Variants in RBFOX3 observed in about 807,000 individuals in gnomAD.
RBFOX3 encodes the protein RNA binding protein fox-1 homolog 3.
A neutral mutation model predicts 48.7 loss-of-function variants in RBFOX3; 17 were observed. The ratio of observed to expected loss-of-function variants is 0.35; its 90% CI spans 0.24 to 0.52. The LOEUF (loss-of-function observed/expected upper bound fraction) is 0.52, where lower values mean the gene tolerates loss of function less well. RBFOX3 is among the 20% of genes least tolerant of loss of function. RBFOX3 has a pLI of 0.94. For synonymous variants in RBFOX3, 212 were observed against 209.5 expected, an observed-to-expected ratio of 1.01 and a Z score of -0.10; for missense variants, 382 against 497.5, an observed-to-expected ratio of 0.77 and a Z score of 2.21.
intron 2 of RBFOX3, among the ~76,000 whole-genome samples, chr17:79,371,333 G>A (rs1396864375): frequency 2.0e-5 from 3 of 152,230 alleles, no homozygotes; most frequent in African/African-American, 7.2e-5. Flanking sequence ...TAGAACAAAT[G>A]AGGAAGCTTT....
chr17:79,289,337 G>C (rs916457294), intron 3 of RBFOX3, among the ~76,000 whole-genome samples: 2 of 152,184 alleles, frequency 1.3e-5, no homozygotes, highest in Admixed American at 6.5e-5. Flanking sequence ...GCCTGTTTCT[G>C]CCCCGGCCCT....
intron 2 of RBFOX3, among the ~76,000 whole-genome samples, chr17:79,432,508 G>A (rs782449404): frequency 2.0e-5 from 3 of 152,162 alleles, no homozygotes; most frequent in Non-Finnish European, 2.9e-5. Context: ...CCCAAGGGTC[G>A]CGAGCAGCCT....
At chr17:79,403,242 G>A (rs1308176453) in intron 2 of RBFOX3, among the ~76,000 whole-genome samples, 6 of 152,166 alleles carry the variant, frequency 3.9e-5, no homozygotes, top group Admixed American at 3.3e-4. Flanking sequence ...CTGAGAGCCT[G>A]CTGGTCGCCC....
intron 2 of RBFOX3, among the ~76,000 whole-genome samples, chr17:79,405,752 G>T (rs532824253): frequency 4.6e-5 from 7 of 152,094 alleles, no homozygotes; most frequent in Non-Finnish European, 8.8e-5. Flanking sequence ...AAAAAGAAAC[G>T]CATGAATCTG....
intron 4 of RBFOX3, among the ~76,000 whole-genome samples, chr17:79,209,121 T>C (rs912604924): frequency 1.3e-5 from 2 of 152,168 alleles, no homozygotes; most frequent in African/African-American, 4.8e-5. Context: ...GCCCGGCCCC[T>C]GGCTGCTCTT....
chr17:79,499,562 G>T (rs1598953069), intron 1 of RBFOX3, among the ~76,000 whole-genome samples: 1 of 152,254 alleles, frequency 6.6e-6, no homozygotes, highest in African/African-American at 2.4e-5. Flanking sequence ...GTACTACAAA[G>T]CCTGAAATGT....
rs980111121 is a variant in RBFOX3, at chr17:79,572,726, G to A, written c.-320+38100C>T. Among the ~76,000 whole-genome samples the A allele has an allele frequency of 9.3e-4, 141 of 152,292 alleles. 4 individuals carry two copies. The South Asian group carries it at 0.019, about 21-fold the overall frequency. On this transcript the variant is annotated intron_variant, in intron 1 of 14. Transcript: ENST00000693108. The stretch of plus-strand genomic sequence containing the variant: ...GGCCTACAGCGGTTTGCAAACGTGC[G>A]TGTTTCCCAAGGCTCATTGTCTCAC...
chr17:79,400,705 T>G (rs994103070), intron 2 of RBFOX3, among the ~76,000 whole-genome samples: 3 of 152,208 alleles, frequency 2.0e-5, no homozygotes, highest in African/African-American at 7.2e-5. Flanking sequence ...GTGTCCCAAA[T>G]GCAGCAGCTC....
intron 3 of RBFOX3, among the ~76,000 whole-genome samples, chr17:79,264,266 G>A (rs1314784672): frequency 1.3e-5 from 2 of 151,868 alleles, no homozygotes; most frequent in Non-Finnish European, 2.9e-5. Context: ...AGTAGAGACA[G>A]GATTTCACCA....
chr17:79,207,196 A>G (rs913878119), intron 4 of RBFOX3, among the ~76,000 whole-genome samples: 2 of 152,274 alleles, frequency 1.3e-5, no homozygotes, highest in African/African-American at 4.8e-5. Context: ...TTCAGAAAAC[A>G]GAGGAAAGTA....
intron 4 of RBFOX3, among the ~76,000 whole-genome samples, chr17:79,152,857 CG>C (rs1369310806): frequency 6.6e-6 from 1 of 152,148 alleles, no homozygotes; most frequent in African/African-American, 2.4e-5. Context: ...CGCCGGCCTC[CG>C]GGACTTCGCC....
At chr17:79,217,115 G>T (rs990251668) in intron 4 of RBFOX3, among the ~76,000 whole-genome samples, 22 of 152,190 alleles carry the variant, frequency 1.4e-4, no homozygotes, top group African/African-American at 5.3e-4. Flanking sequence ...CGGCCAAGCT[G>T]AAAGGGCCTG....
At chr17:79,653,487 C>A in the RBFOX3 span, among the ~76,000 whole-genome samples, 1 of 152,102 alleles carries the variant, frequency 6.6e-6, no homozygotes, top group Non-Finnish European at 1.5e-5. Context: ...GTAAGAAAAA[C>A]CTTAATGTAG....
intron 2 of RBFOX3, among the ~76,000 whole-genome samples, chr17:79,469,052 TTGAC>T (rs1359893495): frequency 2.4e-4 from 36 of 152,192 alleles, no homozygotes; most frequent in Admixed American, 1.4e-3. Context: ...GACTGATTGA[TTGAC>T]TGATCGACTG....
intron 1 of RBFOX3, among the ~76,000 whole-genome samples, chr17:79,494,238 C>T (rs1201167070): frequency 6.6e-6 from 1 of 152,330 alleles, no homozygotes; most frequent in East Asian, 1.9e-4. Flanking sequence ...GTGGTGGGAA[C>T]CTGTCCCCTC....
intron 1 of RBFOX3, among the ~76,000 whole-genome samples, chr17:79,530,898 C>T (rs2087644633): frequency 6.6e-6 from 1 of 152,218 alleles, no homozygotes; most frequent in Non-Finnish European, 1.5e-5. Context: ...TGTAAATATT[C>T]CAGGCCTGGC....
At chr17:79,380,901 GCT>G (rs1485052916) in intron 2 of RBFOX3, among the ~76,000 whole-genome samples, 1 of 152,156 alleles carries the variant, frequency 6.6e-6, no homozygotes, top group Non-Finnish European at 1.5e-5. Flanking sequence ...CCCAAGACCA[GCT>G]CTGTCCCGTG....
intron 1 of RBFOX3, among the ~76,000 whole-genome samples, chr17:79,572,979 C>G (rs2092731518): frequency 1.3e-5 from 2 of 151,630 alleles, no homozygotes; most frequent in Non-Finnish European, 2.9e-5. Flanking sequence ...ATAAGTATAT[C>G]CCATGCAATC....
intron 4 of RBFOX3, among the ~76,000 whole-genome samples, chr17:79,180,289 C>T (rs886557170): frequency 2.0e-5 from 3 of 152,214 alleles, no homozygotes; most frequent in Non-Finnish European, 4.4e-5. Flanking sequence ...GAACGGAATT[C>T]CGCTGGGTGA....
Sources: allele counts gnomAD v4.1 joint callset (sites outside exome capture counted in the v4.1 genomes callset), GRCh38; gene constraint gnomAD v4.1.1; transcripts MANE v1.5; gene names NCBI Gene and HGNC (gene_info 2026-07-23, HGNC 2026-07-21).